The following GBE1 variants were observed in gnomAD, a reference collection of about 807,000 sequenced individuals.
The protein encoded by GBE1 is 1,4-alpha-glucan branching enzyme 1.
Under a neutral mutation model 88.8 loss-of-function variants are expected in GBE1, and 70 were observed. The observed-to-expected ratio is 0.79, with a 90% CI of 0.65 to 0.96. The LOEUF is 0.96. Among genes scored for constraint, GBE1 ranks in the 40% least tolerant of loss-of-function variants. The probability of loss-of-function intolerance (pLI) is 0.00; values close to 1 mark genes in which losing one functional copy is unlikely to be tolerated. For synonymous variants in GBE1, 284 were observed against 300.1 expected (o/e 0.95, Z 0.56); for missense variants, 872 against 871.0 (o/e 1.00, Z -0.01).
At chr3:81,726,532 T>C (rs1706114478) in intron 1 of GBE1, among the ~76,000 whole-genome samples, 1 of 152,072 alleles carries the variant, frequency 6.6e-6, no homozygotes, top group Non-Finnish European at 1.5e-5. Flanking sequence ...GTGTATCTTA[T>C]TGTACTTTAT....
At chr3:81,750,619 A>ATATATATGTG (rs1706504211) in intron 1 of GBE1, among the ~76,000 whole-genome samples, 1 of 66,454 alleles carries the variant, frequency 1.5e-5, no homozygotes, top group African/African-American at 9.3e-5. Flanking sequence ...ATATATATGT[A>ATATATATGTG]TATATATATA....
rs370326965 is a variant in GBE1 at position 81,761,473 on chromosome 3, C to A, written c.45G>T (p.Glu15Asp). 26 of 1,613,058 alleles carry A rather than the reference C, an allele frequency of 1.6e-5. No individual in the cohort carries two copies. The highest frequency in any genetic ancestry group is 2.2e-5 in the Non-Finnish European group (26 of 1,179,638). Residue 15 changes from glutamate to aspartate, a missense_variant, in exon 1 of 16, where the codon GAG becomes GAT. Coordinates refer to ENST00000429644, the MANE Select transcript of GBE1 (RefSeq NM_000158.4). The stretch of plus-strand genomic sequence containing the variant: ...CAGCCAGGGCGGCATTGAGCGCCGC[C>A]TCGTAGTCCTCGGGCCGAGCCGCGG... ...MTPAARPEDY[E>D]AALNAALADV...
intron 7 of GBE1, among the ~76,000 whole-genome samples, chr3:81,610,697 G>A (rs895619277): frequency 2.0e-5 from 3 of 152,176 alleles, no homozygotes; most frequent in Admixed American, 6.5e-5. Flanking sequence ...TGTGACTGCA[G>A]GTGGCTCTAC....
At position 81,562,008 on chromosome 3, in the gene GBE1, G is replaced by A. The variant is rs117577812; in HGVS notation, c.1618+15917C>T. 3.7e-4 allele frequency among the ~76,000 whole-genome samples: 57 copies of A among 152,066 alleles called. 1 individual carries two copies. In the East Asian group the frequency reaches 8.5e-3, roughly 23 times the overall value. On this transcript the variant is annotated intron_variant, in intron 12 of 15. Transcript: ENST00000429644. Reference sequence around the variant, plus strand: ...TCGTGATCTTTCTTGAAGTACTCACGGTGCTTTATGCAGATCTTGAAGGTG... The same window carrying A: ...TCGTGATCTTTCTTGAAGTACTCACAGTGCTTTATGCAGATCTTGAAGGTG...
intron 14 of GBE1, among the ~76,000 whole-genome samples, chr3:81,523,310 C>T (rs941935021): frequency 3.3e-5 from 5 of 150,974 alleles, no homozygotes; most frequent in African/African-American, 1.2e-4. Context: ...CTATACATTT[C>T]CATTTGTTGA....
chr3:81,699,513 CT>C (rs1040659965), intron 2 of GBE1, among the ~76,000 whole-genome samples: 16 of 152,166 alleles, frequency 1.1e-4, no homozygotes, highest in East Asian at 3.9e-4. Context: ...TAAGAATTAA[CT>C]TACGCAATGG....
chr3:81,491,848 A>T (rs951148841), intron 15 of GBE1, among the ~76,000 whole-genome samples: 5 of 152,204 alleles, frequency 3.3e-5, no homozygotes, highest in Non-Finnish European at 7.3e-5. Context: ...TGTCCAATGC[A>T]TCTCAACTCT....
intron 7 of GBE1, among the ~76,000 whole-genome samples, chr3:81,628,082 G>A (rs1704444310): frequency 6.6e-6 from 1 of 152,070 alleles, no homozygotes; most frequent in African/African-American, 2.4e-5. Flanking sequence ...CCAAATTAGA[G>A]ACAGGGAGGG....
rs569020850 is a variant in GBE1 at position 81,646,697 on chromosome 3, T to C, written c.692-215A>G. ...AGCTGTATTCTGACTAGCTATTTGA[T>C]ATAGCTTCATTTTAACAAGCAATAA... On this transcript the variant is annotated intron_variant, in intron 5 of 15. Transcript: ENST00000429644. Among the ~76,000 whole-genome samples the C allele has an allele frequency of 2.0e-5, 3 of 152,320 alleles. No homozygotes were observed. In the East Asian group the frequency reaches 5.8e-4, roughly 29 times the overall value.
intron 12 of GBE1, among the ~76,000 whole-genome samples, chr3:81,546,151 C>A (rs1341839605): frequency 1.3e-5 from 2 of 151,916 alleles, no homozygotes; most frequent in Non-Finnish European, 2.9e-5. Context: ...AAGTTTCAGG[C>A]ATCCACTGAA....
intron 1 of GBE1, among the ~76,000 whole-genome samples, chr3:81,754,011 G>A (rs1706569265): frequency 6.6e-6 from 1 of 152,158 alleles, no homozygotes; most frequent in Non-Finnish European, 1.5e-5. Context: ...AAAGGAAGAA[G>A]CCAAATTAGC....
intron 14 of GBE1, among the ~76,000 whole-genome samples, chr3:81,526,150 C>T (rs1422047424): frequency 6.6e-6 from 1 of 152,024 alleles, no homozygotes; most frequent in African/African-American, 2.4e-5. Context: ...ATCTTTCCTG[C>T]TTTATCTTGT....
chr3:81,654,322 AGTGTGT>A (rs60856895), intron 3 of GBE1, among the ~76,000 whole-genome samples: 4 of 150,134 alleles, frequency 2.7e-5, no homozygotes, highest in Admixed American at 1.3e-4. Context: ...AAGACAAAAA[AGTGTGT>A]GTGTGTGTGT....
chr3:81,726,454 TA>T, intron 1 of GBE1, among the ~76,000 whole-genome samples: 2 of 152,326 alleles, frequency 1.3e-5, no homozygotes, highest in South Asian at 4.1e-4. Context: ...GGCAGTGAAG[TA>T]ATTTAAGATG....
At chr3:81,531,291 C>A (rs933049866) in intron 14 of GBE1, among the ~76,000 whole-genome samples, 4 of 151,954 alleles carry the variant, frequency 2.6e-5, no homozygotes, top group African/African-American at 9.7e-5. Flanking sequence ...AAACTGGAGG[C>A]TTTAGGAGTC....
chr3:81,643,704 G>A (rs904172549), intron 6 of GBE1, among the ~76,000 whole-genome samples: 2 of 152,006 alleles, frequency 1.3e-5, no homozygotes, highest in African/African-American at 2.4e-5. Flanking sequence ...TTCCTCACTC[G>A]ACTATATGCT....
chr3:81,617,860 T>C (rs1297443676), intron 7 of GBE1, among the ~76,000 whole-genome samples: 1 of 152,044 alleles, frequency 6.6e-6, no homozygotes, highest in African/African-American at 2.4e-5. Flanking sequence ...GGTTTTCCTA[T>C]GTTACATGCT....
chr3:81,685,087 G>A (rs901088635), intron 2 of GBE1, among the ~76,000 whole-genome samples: 5 of 152,166 alleles, frequency 3.3e-5, no homozygotes, highest in Non-Finnish European at 7.4e-5. Flanking sequence ...GAGACACATA[G>A]AGTAAGAAAA....
At chr3:81,632,718 A>C (rs1423983063) in intron 7 of GBE1, among the ~76,000 whole-genome samples, 3 of 152,112 alleles carry the variant, frequency 2.0e-5, no homozygotes, top group African/African-American at 7.2e-5. Flanking sequence ...TACCCAAAGG[A>C]TTATATATTT....
Sources: allele counts gnomAD v4.1 joint callset (sites outside exome capture counted in the v4.1 genomes callset), GRCh38; gene constraint gnomAD v4.1.1; transcripts MANE v1.5; gene names NCBI Gene and HGNC (gene_info 2026-07-23, HGNC 2026-07-21).